DPP10: variants seen among roughly 807,000 people sequenced by gnomAD.
DPP10 encodes dipeptidyl peptidase like 10.
In DPP10, 33 loss-of-function variants were observed where a neutral mutation model predicts 120.9. That is an observed-to-expected ratio of 0.27 (90% CI 0.21 to 0.37). The LOEUF (loss-of-function observed/expected upper bound fraction) is 0.37. Ranked by LOEUF, DPP10 falls within the 10% of genes least tolerant of loss-of-function variation. The pLI, the probability that DPP10 is intolerant of heterozygous loss-of-function variation, is 1.00. For missense variants in DPP10, 816 were observed against 942.8 expected, an observed-to-expected ratio of 0.87 and a Z score of 1.76; for synonymous variants, 337 against 326.1, an observed-to-expected ratio of 1.03 and a Z score of -0.36.
intron 17 of DPP10, 131 bp from the exon 18 acceptor site, chr2:115,790,950 A>G (rs6735355): frequency 0.8 from 438,102 of 544,382 alleles, 176,814 homozygotes; most frequent in East Asian, 0.93. Context: ...TAGTAATTCA[A>G]AAGAGAAATG....
chr2:115,162,233 G>C (rs898936564), intron 1 of DPP10: 2 of 1,562,096 alleles, frequency 1.3e-6, no homozygotes, highest in Admixed American at 1.9e-5. Flanking sequence ...CCGGCGAGAG[G>C]ATGCGCAAGG....
At chr2:115,063,242 T>C (rs1706562396) in intron 1 of DPP10, among the ~76,000 whole-genome samples, 1 of 152,184 alleles carries the variant, frequency 6.6e-6, no homozygotes, top group East Asian at 1.9e-4. Context: ...GGGGTTGTTT[T>C]TTCCTCGTAA....
intron 1 of DPP10, among the ~76,000 whole-genome samples, chr2:115,286,526 A>ATATAATATATAT (rs10675008): frequency 1.6e-5 from 1 of 60,954 alleles, no homozygotes; most frequent in East Asian, 5.8e-4. Flanking sequence ...ATATATATAT[A>ATATAATATATAT]ATATATATAT....
chr2:114,633,638 G>A (rs1453270171), intron 1 of DPP10, among the ~76,000 whole-genome samples: 1 of 151,164 alleles, frequency 6.6e-6, no homozygotes, highest in Non-Finnish European at 1.5e-5. Context: ...TTTTTGAGAT[G>A]GAGTCTCATG....
intron 2 of DPP10, among the ~76,000 whole-genome samples, chr2:115,314,615 A>T (rs1272376696): frequency 2.0e-5 from 3 of 152,154 alleles, no homozygotes; most frequent in Admixed American, 2.0e-4. Context: ...CGCAATAGAG[A>T]TGTCTTTATT....
intron 1 of DPP10, among the ~76,000 whole-genome samples, chr2:115,155,921 C>G (rs924256172): frequency 1.3e-5 from 2 of 152,158 alleles, no homozygotes; most frequent in African/African-American, 4.8e-5. Flanking sequence ...TCTACCTTGT[C>G]TCTTCCTCTT....
At chr2:115,279,214 G>A (rs570038515) in intron 1 of DPP10, among the ~76,000 whole-genome samples, 1 of 152,132 alleles carries the variant, frequency 6.6e-6, no homozygotes, top group Non-Finnish European at 1.5e-5. Context: ...AACCATGGGA[G>A]GCTGATGCAG....
At chr2:114,615,110 TAATC>T (rs1693581160) in intron 1 of DPP10, among the ~76,000 whole-genome samples, 1 of 152,186 alleles carries the variant, frequency 6.6e-6, no homozygotes, top group Non-Finnish European at 1.5e-5. Flanking sequence ...AGATTTAAAA[TAATC>T]AATTAGATGT....
chr2:115,353,384 G>A (rs575723129), intron 3 of DPP10, among the ~76,000 whole-genome samples: 1 of 152,192 alleles, frequency 6.6e-6, no homozygotes, highest in Admixed American at 6.6e-5. Context: ...AAATAAAGTT[G>A]AGTAACTCAG....
intron 1 of DPP10, among the ~76,000 whole-genome samples, chr2:114,821,193 C>G (rs1012224258): frequency 6.6e-6 from 1 of 152,156 alleles, no homozygotes; most frequent in Non-Finnish European, 1.5e-5. Flanking sequence ...GTTCACATAG[C>G]CCGTGAAAAA....
At chr2:115,684,702 C>G (rs1249586236) in intron 5 of DPP10, among the ~76,000 whole-genome samples, 1 of 151,888 alleles carries the variant, frequency 6.6e-6, no homozygotes, top group African/African-American at 2.4e-5. Context: ...GGATACACTG[C>G]TCTTTTTTCT....
At chr2:114,583,437 G>C (rs1690703482) in intron 1 of DPP10, among the ~76,000 whole-genome samples, 1 of 152,084 alleles carries the variant, frequency 6.6e-6, no homozygotes, top group African/African-American at 2.4e-5. Context: ...CAAACAATAA[G>C]ATTAAACAAA....
At chr2:115,817,101 A>T (rs1687321344) in intron 21 of DPP10, among the ~76,000 whole-genome samples, 1 of 151,570 alleles carries the variant, frequency 6.6e-6, no homozygotes, top group Non-Finnish European at 1.5e-5. Flanking sequence ...ACTAAAAATT[A>T]CCCGGGCGTG....
chr2:115,294,061 A>G (rs558729762), intron 1 of DPP10, among the ~76,000 whole-genome samples: 1 of 152,238 alleles, frequency 6.6e-6, no homozygotes, highest in East Asian at 1.9e-4. Context: ...TTCAATGAAT[A>G]TTTATTGATT....
chr2:115,014,393 G>A (rs1558992688), intron 1 of DPP10, among the ~76,000 whole-genome samples: 1 of 152,102 alleles, frequency 6.6e-6, no homozygotes, highest in Non-Finnish European at 1.5e-5. Flanking sequence ...GAGAAAGCGG[G>A]AAAGATCTAA....
chr2:114,837,794 A>C (rs1687859383), intron 1 of DPP10, among the ~76,000 whole-genome samples: 1 of 152,142 alleles, frequency 6.6e-6, no homozygotes. Context: ...TAAAACATTC[A>C]TTATTTTCTC....
intron 1 of DPP10, among the ~76,000 whole-genome samples, chr2:114,689,313 A>G (rs1368159367): frequency 1.3e-5 from 2 of 151,834 alleles, no homozygotes; most frequent in African/African-American, 4.8e-5. Flanking sequence ...GCTCCCACTT[A>G]TAAGTGAGAG....
At chr2:115,223,643 G>T (rs1440882865) in intron 1 of DPP10, among the ~76,000 whole-genome samples, 2 of 152,012 alleles carry the variant, frequency 1.3e-5, no homozygotes, top group African/African-American at 4.8e-5. Context: ...CAACAAAAAG[G>T]AACGAGTAAA....
chr2:114,966,583 T>C (rs968789700), intron 1 of DPP10, among the ~76,000 whole-genome samples: 12 of 152,112 alleles, frequency 7.9e-5, no homozygotes, highest in Non-Finnish European at 1.2e-4. Flanking sequence ...ATGAACCAAA[T>C]AAACATCTTT....
Sources: gnomAD v4.1 joint callset for allele counts (sites outside exome capture counted in the v4.1 genomes callset) on GRCh38, gnomAD v4.1.1 for gene constraint, MANE v1.5 for transcripts, NCBI Gene and HGNC (gene_info 2026-07-23, HGNC 2026-07-21) for gene names.